The following VAV3 variants were observed in gnomAD, a reference collection of about 807,000 sequenced individuals.
VAV3 encodes the protein vav guanine nucleotide exchange factor 3.
VAV3 carries 94 observed loss-of-function variants against 131.2 expected under a neutral mutation model. The ratio of observed to expected loss-of-function variants is 0.72; its 90% CI spans 0.61 to 0.85. VAV3 has a LOEUF of 0.85. Ranked by LOEUF, VAV3 falls within the 40% of genes least tolerant of loss-of-function variation. VAV3 has a pLI of 0.00. For missense variants in VAV3, 939 were observed against 1,002.7 expected (o/e 0.94, Z 0.86); for synonymous variants, 349 against 342.0 (o/e 1.02, Z -0.22).
chr1:107,733,657 T>G (rs1662401430), intron 15 of VAV3, among the ~76,000 whole-genome samples: 1 of 151,926 alleles, frequency 6.6e-6, no homozygotes, highest in Non-Finnish European at 1.5e-5. Context: ...GAAGATCAAA[T>G]TAATGAAATG....
At chr1:107,609,272 A>T (rs1281042563) in intron 22 of VAV3, among the ~76,000 whole-genome samples, 1 of 152,214 alleles carries the variant, frequency 6.6e-6, no homozygotes, top group Non-Finnish European at 1.5e-5. Flanking sequence ...AGAAAATAAT[A>T]ATTACTATCC....
In VAV3 at chr1:107,906,482, G is replaced by A. The variant is rs573313955; in HGVS notation, c.205-31465C>T. Among the ~76,000 whole-genome samples, 6 of 152,130 alleles carry A rather than the reference G, an allele frequency of 3.9e-5. No homozygotes were observed. In the East Asian group the frequency reaches 5.8e-4, roughly 15 times the overall value. ...GATCGAGACCATCCTGGCTAACACC[G>A]TGAAACCCCGTCTCTACTAAAAACA... On this transcript the variant is annotated intron_variant, in intron 1 of 26. Transcript: ENST00000370056.
intron 1 of VAV3, among the ~76,000 whole-genome samples, chr1:107,891,265 G>A (rs1192796919): frequency 6.6e-6 from 1 of 152,056 alleles, no homozygotes; most frequent in Non-Finnish European, 1.5e-5. Flanking sequence ...GCCTTGCATG[G>A]CAACTCCAGG....
At chr1:107,602,633 T>A (rs768866793) in intron 23 of VAV3, 149 bp from the exon 24 acceptor site, 8 of 571,154 alleles carry the variant, frequency 1.4e-5, no homozygotes, top group Non-Finnish European at 2.0e-5. Context: ...GACAGCTAAT[T>A]AACAAAATAT....
chr1:107,766,207 C>G (rs1664723651), intron 8 of VAV3, among the ~76,000 whole-genome samples: 1 of 151,964 alleles, frequency 6.6e-6, no homozygotes, highest in South Asian at 2.1e-4. Flanking sequence ...ATTTGCGATG[C>G]AAAAAAATAA....
rs373740907 is a variant in VAV3 at position 107,724,864 on chromosome 1, G to A, written c.1503-19803C>T. ...AAAAAAAAGGCTAGAGCTGAGCACA[G>A]GCCAGATAGTAAATGCCATTTGTGC... On this transcript the variant is annotated intron_variant, in intron 15 of 26. Transcript: ENST00000370056. 9.7e-4 allele frequency among the ~76,000 whole-genome samples: 128 copies of A among 132,628 alleles called. 2 individuals carry two copies. In the South Asian group the frequency reaches 0.033, roughly 34 times the overall value. 87.0% of individuals were successfully genotyped at this position (132,628 alleles called of 152,430 possible).
intron 19 of VAV3, among the ~76,000 whole-genome samples, chr1:107,643,923 AC>A (rs1174778728): frequency 6.6e-6 from 1 of 152,050 alleles, no homozygotes; most frequent in Non-Finnish European, 1.5e-5. Context: ...TGTGCCCTTC[AC>A]CCCAGTTTAG....
At chr1:107,872,080 G>C (rs149052499) in intron 2 of VAV3, among the ~76,000 whole-genome samples, 1 of 152,110 alleles carries the variant, frequency 6.6e-6, no homozygotes, top group African/African-American at 2.4e-5. Flanking sequence ...CATCCACAGA[G>C]CAGTGAGACC....
At chr1:107,931,412 C>A (rs546119765) in intron 1 of VAV3, among the ~76,000 whole-genome samples, 1 of 151,680 alleles carries the variant, frequency 6.6e-6, no homozygotes, top group Non-Finnish European at 1.5e-5. Flanking sequence ...TTATTATATG[C>A]CAATTAAAAA....
rs76424058 is a variant in VAV3, at chr1:107,890,494, A to C, written c.205-15477T>G. 2.7e-3 allele frequency among the ~76,000 whole-genome samples: 404 copies of C among 152,284 alleles called. 17 individuals carry two copies. In the East Asian group the frequency reaches 0.069, roughly 26 times the overall value. ...TGTTCAGAAACTTGCTAATCCAAAC[A>C]ATCTCTATTACCCCTCACCACATTC... On this transcript the variant is annotated intron_variant, in intron 1 of 26. Transcript: ENST00000370056.
chr1:107,813,041 T>G (rs1386629807), intron 2 of VAV3, among the ~76,000 whole-genome samples: 1 of 149,946 alleles, frequency 6.7e-6, no homozygotes, highest in African/African-American at 2.5e-5. Context: ...GAGAATGGCA[T>G]GAACCCAGGA....
chr1:107,917,510 C>G (rs948366346), intron 1 of VAV3, among the ~76,000 whole-genome samples: 1 of 152,082 alleles, frequency 6.6e-6, no homozygotes, highest in East Asian at 1.9e-4. Context: ...AAAGGGGCAC[C>G]ACAACTTTTA....
intron 20 of VAV3, among the ~76,000 whole-genome samples, chr1:107,641,415 G>T (rs1655325394): frequency 6.6e-6 from 1 of 152,098 alleles, no homozygotes; most frequent in African/African-American, 2.4e-5. Flanking sequence ...ATGCACAATA[G>T]ATTTTTTAAC....
chr1:107,854,220 G>A (rs1241092954), intron 2 of VAV3, among the ~76,000 whole-genome samples: 3 of 152,186 alleles, frequency 2.0e-5, no homozygotes, highest in South Asian at 4.1e-4. Context: ...TGGGACATGA[G>A]AATCACTTGA....
chr1:107,672,144 C>G (rs1053328126), intron 19 of VAV3: 1 of 151,770 alleles, frequency 6.6e-6, no homozygotes, highest in Non-Finnish European at 1.5e-5. Flanking sequence ...TGGCACACAC[C>G]TGCAATCTCA....
intron 12 of VAV3, among the ~76,000 whole-genome samples, chr1:107,754,411 C>A (rs1027859976): frequency 6.6e-6 from 1 of 152,110 alleles, no homozygotes; most frequent in Non-Finnish European, 1.5e-5. Context: ...GAGAAAGCAG[C>A]GATGAAACTG....
At chr1:107,827,838 T>C (rs1241996189) in intron 2 of VAV3, among the ~76,000 whole-genome samples, 1 of 152,216 alleles carries the variant, frequency 6.6e-6, no homozygotes, top group East Asian at 1.9e-4. Flanking sequence ...AGAATCAAAA[T>C]TCAAATGGGA....
chr1:107,618,104 C>G (rs1653303458), intron 20 of VAV3, among the ~76,000 whole-genome samples: 1 of 152,102 alleles, frequency 6.6e-6, no homozygotes, highest in Non-Finnish European at 1.5e-5. Context: ...CTATGAGAAT[C>G]TAATGCCGCC....
chr1:107,925,330 G>A (rs905686251), intron 1 of VAV3, among the ~76,000 whole-genome samples: 1 of 151,932 alleles, frequency 6.6e-6, no homozygotes, highest in African/African-American at 2.4e-5. Flanking sequence ...ATTTAAAGAA[G>A]GTACAAACCA....
Sources: gnomAD v4.1 joint callset for allele counts (sites outside exome capture counted in the v4.1 genomes callset) on GRCh38, gnomAD v4.1.1 for gene constraint, MANE v1.5 for transcripts, NCBI Gene and HGNC (gene_info 2026-07-23, HGNC 2026-07-21) for gene names.